The following ELMO1 variants were observed in gnomAD, a reference collection of about 807,000 sequenced individuals.
The protein encoded by ELMO1 is engulfment and cell motility protein 1.
A neutral mutation model predicts 98.9 loss-of-function variants in ELMO1; 26 were observed. That is an observed-to-expected ratio of 0.26 (90% confidence interval 0.19 to 0.36). ELMO1 has a LOEUF of 0.36. ELMO1 is among the 10% of genes least tolerant of loss of function. ELMO1 has a pLI of 1.00. For synonymous variants in ELMO1, 346 were observed against 346.0 expected (o/e 1.00, Z 0.00); for missense variants, 627 against 935.2 (o/e 0.67, Z 4.30).
intron 14 of ELMO1, among the ~76,000 whole-genome samples, chr7:37,114,479 T>C (rs1320655404): frequency 6.6e-6 from 1 of 152,140 alleles, no homozygotes; most frequent in Non-Finnish European, 1.5e-5. Context: ...GAGTAACTCA[T>C]TGAGCCAGAG....
intron 13 of ELMO1, among the ~76,000 whole-genome samples, chr7:37,170,037 G>A (rs1404229457): frequency 1.3e-5 from 2 of 152,054 alleles, no homozygotes; most frequent in South Asian, 2.1e-4. Flanking sequence ...GAGTAGCTGC[G>A]ATTATAAGCA....
At chr7:37,152,771 C>T (rs6979380) in intron 13 of ELMO1, among the ~76,000 whole-genome samples, 131,677 of 152,212 alleles carry the variant, frequency 0.87, 58,292 homozygotes, top group Non-Finnish European at 0.96. Context: ...ACAGAATTTG[C>T]GATATAAACT....
At chr7:37,201,758 T>C (rs1034974878) in intron 13 of ELMO1, among the ~76,000 whole-genome samples, 1 of 152,246 alleles carries the variant, frequency 6.6e-6, no homozygotes, top group Non-Finnish European at 1.5e-5. Flanking sequence ...GGCTGTGTGT[T>C]TGCGCCATCT....
chr7:37,349,753 C>G (rs891437317), intron 1 of ELMO1, among the ~76,000 whole-genome samples: 25 of 152,196 alleles, frequency 1.6e-4, no homozygotes, highest in African/African-American at 6.0e-4. Flanking sequence ...CACACCTGGC[C>G]TAGTCTTCAC....
chr7:36,989,973 C>T (rs1430082908), intron 16 of ELMO1, among the ~76,000 whole-genome samples: 2 of 152,210 alleles, frequency 1.3e-5, no homozygotes, highest in Non-Finnish European at 2.9e-5. Context: ...TTCAATCCTT[C>T]TCCCCTTCAT....
At chr7:37,417,496 T>C (rs890504871) in intron 1 of ELMO1, among the ~76,000 whole-genome samples, 5 of 152,052 alleles carry the variant, frequency 3.3e-5, no homozygotes, top group African/African-American at 1.2e-4. Flanking sequence ...CTGCCTCTAC[T>C]AAAAATACAA....
In ELMO1 at chr7:37,259,539, C is replaced by A. The variant is rs199830194; in HGVS notation, c.244-189G>T. On this transcript the variant is annotated intron_variant, in intron 5 of 21. Transcript: ENST00000310758. ...AAACACTCCACCTTCAGAGCGAGGT[C>A]TGCTCATGTCACAACAGGAAGCAGT... Among the ~76,000 whole-genome samples, 4 of 152,164 alleles carry A rather than the reference C, an allele frequency of 2.6e-5. No individual in the cohort carries two copies. The East Asian group carries it at 7.7e-4, about 29-fold the overall frequency.
intron 4 of ELMO1, among the ~76,000 whole-genome samples, chr7:37,284,609 C>T (rs1486489622): frequency 6.6e-6 from 1 of 152,128 alleles, no homozygotes; most frequent in African/African-American, 2.4e-5. Context: ...TATAACAAGG[C>T]TATATGCCTT....
intron 16 of ELMO1, among the ~76,000 whole-genome samples, chr7:36,919,642 G>A (rs150234034): frequency 2.0e-5 from 3 of 152,278 alleles, no homozygotes; most frequent in African/African-American, 7.2e-5. Flanking sequence ...GCCAATCAAA[G>A]TGTGTTGCTG....
chr7:37,127,104 T>C (rs76890807), intron 14 of ELMO1, among the ~76,000 whole-genome samples: 4,896 of 152,316 alleles, frequency 0.032, 211 homozygotes, highest in African/African-American at 0.099. Flanking sequence ...TCTGAACATC[T>C]GAATACTTCT....
chr7:37,128,063 C>T (rs1325701245), intron 14 of ELMO1, among the ~76,000 whole-genome samples: 2 of 151,982 alleles, frequency 1.3e-5, no homozygotes, highest in East Asian at 1.9e-4. Flanking sequence ...CATGGTGGTG[C>T]GTGCCTGTAG....
chr7:36,958,017 A>G (rs887536331), intron 16 of ELMO1, among the ~76,000 whole-genome samples: 9 of 152,110 alleles, frequency 5.9e-5, no homozygotes, highest in Non-Finnish European at 1.2e-4. Flanking sequence ...ACCACCCACA[A>G]TGCTGGCTCC....
chr7:37,011,788 A>C (rs1793578404), intron 16 of ELMO1, among the ~76,000 whole-genome samples: 1 of 152,200 alleles, frequency 6.6e-6, no homozygotes, highest in African/African-American at 2.4e-5. Context: ...AGCCAATTTC[A>C]AAGACTACTG....
At position 36,899,684 on chromosome 7, in the gene ELMO1, C is replaced by CTTTTTTTTTTTTTTTTTTTTTTTTTTTTT. The variant is rs10522661; in HGVS notation, c.1438-4668_1438-4667insAAAAAAAAAAAAAAAAAAAAAAAAAAAAA. On this transcript the variant is annotated intron_variant, in intron 16 of 21. Coordinates refer to ENST00000310758, the MANE Select transcript of ELMO1 (RefSeq NM_014800.11). ...ACTCATTTTTACTATCTTTACTCAT[C>CTTTTTTTTTTTTTTTTTTTTTTTTTTTTT]TTTTTTTTTTTTTTTTACCACTCCT... Among the ~76,000 whole-genome samples, 206 of 63,668 alleles carry CTTTTTTTTTTTTTTTTTTTTTTTTTTTTT rather than the reference C, an allele frequency of 3.2e-3. 69 individuals carry two copies. The highest frequency in any genetic ancestry group is 5.3e-3 in the Admixed American group (22 of 4,170). 41.8% of individuals were successfully genotyped at this position (63,668 alleles called of 152,430 possible).
intron 1 of ELMO1, among the ~76,000 whole-genome samples, chr7:37,433,434 A>C (rs1322692900): frequency 6.6e-6 from 1 of 152,204 alleles, no homozygotes; most frequent in African/African-American, 2.4e-5. Flanking sequence ...AGGTTCTCAG[A>C]GGAGGTGACC....
intron 13 of ELMO1, among the ~76,000 whole-genome samples, chr7:37,139,688 C>A (rs1787488452): frequency 6.6e-6 from 1 of 152,096 alleles, no homozygotes; most frequent in Non-Finnish European, 1.5e-5. Flanking sequence ...AATACCACCA[C>A]TGCTCTTCAG....
chr7:37,073,238 G>A (rs999430672), intron 15 of ELMO1, among the ~76,000 whole-genome samples: 1 of 152,122 alleles, frequency 6.6e-6, no homozygotes, highest in Non-Finnish European at 1.5e-5. Context: ...ATATGCCCTT[G>A]AAGGATATTT....
At chr7:37,348,680 C>G (rs373065497) in intron 1 of ELMO1, among the ~76,000 whole-genome samples, 1 of 152,080 alleles carries the variant, frequency 6.6e-6, no homozygotes, top group Non-Finnish European at 1.5e-5. Flanking sequence ...ATTTTGAAGA[C>G]GACAGACAGA....
intron 4 of ELMO1, among the ~76,000 whole-genome samples, chr7:37,314,623 T>C (rs1799058407): frequency 6.6e-6 from 1 of 152,204 alleles, no homozygotes; most frequent in South Asian, 2.1e-4. Context: ...AGAAGGCAAC[T>C]GCAGTTGCTA....
Sources: allele counts gnomAD v4.1 joint callset (sites outside exome capture counted in the v4.1 genomes callset), GRCh38; gene constraint gnomAD v4.1.1; transcripts MANE v1.5; gene names NCBI Gene and HGNC (gene_info 2026-07-23, HGNC 2026-07-21).